Variants in XKR4 observed in about 807,000 individuals in gnomAD.
XKR4 encodes XK related 4, also known as XK-related protein 4.
A neutral mutation model predicts 53.9 loss-of-function variants in XKR4; 12 were observed. The ratio of observed to expected loss-of-function variants is 0.22; its 90% CI spans 0.14 to 0.36. XKR4 has a LOEUF of 0.36. Among genes scored for constraint, XKR4 ranks in the 10% least tolerant of loss-of-function variants. XKR4 has a pLI of 1.00. For missense variants in XKR4, 799 were observed against 859.5 expected (o/e 0.93, Z 0.88); for synonymous variants, 354 against 362.4 (o/e 0.98, Z 0.26).
At chr8:55,200,958 CTATTTA>C (rs1232837040) in intron 1 of XKR4, among the ~76,000 whole-genome samples, 8 of 152,120 alleles carry the variant, frequency 5.3e-5, no homozygotes, top group African/African-American at 1.7e-4. Context: ...AATATCCTTT[CTATTTA>C]TATTAACTAA....
intron 1 of XKR4, among the ~76,000 whole-genome samples, chr8:55,240,257 A>T (rs796650557): frequency 7.9e-4 from 121 of 152,344 alleles, no homozygotes; most frequent in African/African-American, 2.2e-3. Context: ...ATATTTATTT[A>T]AAAAAATATA....
intron 1 of XKR4, among the ~76,000 whole-genome samples, chr8:55,224,463 T>C (rs1269688670): frequency 6.6e-6 from 1 of 152,204 alleles, no homozygotes; most frequent in African/African-American, 2.4e-5. Context: ...AATGATTTTG[T>C]CATAAGACTT....
chr8:55,161,566 C>T (rs930785987), intron 1 of XKR4: 11 of 456,148 alleles, frequency 2.4e-5, no homozygotes, highest in Middle Eastern at 3.2e-4. Flanking sequence ...GCTGTCTGTC[C>T]GGTCCTAGAC....
intron 2 of XKR4, among the ~76,000 whole-genome samples, chr8:55,413,210 A>C (rs184034692): frequency 6.6e-6 from 1 of 152,140 alleles, no homozygotes; most frequent in Non-Finnish European, 1.5e-5. Flanking sequence ...TACGACAGAC[A>C]TATCTTCACT....
At chr8:55,246,503 G>T (rs1818287063) in intron 1 of XKR4, among the ~76,000 whole-genome samples, 1 of 152,196 alleles carries the variant, frequency 6.6e-6, no homozygotes, top group African/African-American at 2.4e-5. Context: ...GATCAGCCAT[G>T]TCAGCCGAGT....
intron 2 of XKR4, among the ~76,000 whole-genome samples, chr8:55,406,173 A>G (rs1804679301): frequency 6.6e-6 from 1 of 152,224 alleles, no homozygotes; most frequent in Non-Finnish European, 1.5e-5. Context: ...AATTAATATG[A>G]TAATGAGGGC....
intron 1 of XKR4, among the ~76,000 whole-genome samples, chr8:55,317,794 G>A (rs1267938132): frequency 6.6e-6 from 1 of 152,324 alleles, no homozygotes. Flanking sequence ...CAGCAATACA[G>A]AGAGTTGATG....
chr8:55,467,103 C>A (rs929318109), intron 2 of XKR4, among the ~76,000 whole-genome samples: 5 of 152,106 alleles, frequency 3.3e-5, no homozygotes, highest in African/African-American at 9.7e-5. Context: ...GGGTCCTTCC[C>A]AAGCTCCCTG....
chr8:55,380,615 G>A (rs564161275), intron 2 of XKR4, among the ~76,000 whole-genome samples: 4 of 152,314 alleles, frequency 2.6e-5, no homozygotes, highest in Admixed American at 2.6e-4. Flanking sequence ...TTTATTCAGA[G>A]AACTAATAAG....
intron 2 of XKR4, among the ~76,000 whole-genome samples, chr8:55,456,477 G>C (rs1356380492): frequency 6.6e-6 from 1 of 151,994 alleles, no homozygotes; most frequent in Non-Finnish European, 1.5e-5. Context: ...AAAAGAAATT[G>C]ACTCAGAGTA....
At chr8:55,319,635 C>T (rs1013232180) in intron 1 of XKR4, among the ~76,000 whole-genome samples, 1 of 152,096 alleles carries the variant, frequency 6.6e-6, no homozygotes, top group African/African-American at 2.4e-5. Flanking sequence ...GAGGACACAA[C>T]TATGAAATTC....
intron 1 of XKR4, among the ~76,000 whole-genome samples, chr8:55,132,365 T>C (rs1274110694): frequency 6.6e-6 from 1 of 152,222 alleles, no homozygotes; most frequent in Non-Finnish European, 1.5e-5. Context: ...CCCTTGAAAG[T>C]GTGGATAGTA....
intron 1 of XKR4, among the ~76,000 whole-genome samples, chr8:55,329,710 A>G (rs1399336381): frequency 6.6e-6 from 1 of 152,142 alleles, no homozygotes; most frequent in Non-Finnish European, 1.5e-5. Context: ...TCCAAGTTCC[A>G]TATGTTATAA....
At chr8:55,481,672 C>G (rs1212671057) in intron 2 of XKR4, among the ~76,000 whole-genome samples, 4 of 151,924 alleles carry the variant, frequency 2.6e-5, no homozygotes, top group Non-Finnish European at 5.9e-5. Context: ...TATCCAGAAT[C>G]TACAATGAAC....
intron 1 of XKR4, among the ~76,000 whole-genome samples, chr8:55,252,117 G>A (rs1326285134): frequency 6.6e-6 from 1 of 152,110 alleles, no homozygotes; most frequent in Non-Finnish European, 1.5e-5. Context: ...ACCCTCCAAT[G>A]GATTTAAATT....
intron 2 of XKR4, among the ~76,000 whole-genome samples, chr8:55,487,933 C>G (rs1806218200): frequency 6.6e-6 from 1 of 152,188 alleles, no homozygotes; most frequent in Admixed American, 6.5e-5. Flanking sequence ...CCAAATACAA[C>G]CAAAAATGCA....
intron 1 of XKR4, among the ~76,000 whole-genome samples, chr8:55,178,306 G>A (rs1817259396): frequency 6.6e-6 from 1 of 152,104 alleles, no homozygotes; most frequent in Non-Finnish European, 1.5e-5. Flanking sequence ...GAGCTTTGAA[G>A]ACCAGCTATA....
At chr8:55,482,172 TTA>T (rs1806119413) in intron 2 of XKR4, among the ~76,000 whole-genome samples, 1 of 151,892 alleles carries the variant, frequency 6.6e-6, no homozygotes, top group African/African-American at 2.4e-5. Context: ...ATAGACTGGA[TTA>T]AGAAAATGTG....
At chr8:55,484,557 A>G (rs1180617711) in intron 2 of XKR4, among the ~76,000 whole-genome samples, 3 of 152,222 alleles carry the variant, frequency 2.0e-5, no homozygotes, top group African/African-American at 7.2e-5. Flanking sequence ...TTAACATGCC[A>G]AAGAAGAAAA....
Sources: gnomAD v4.1 joint callset for allele counts (sites outside exome capture counted in the v4.1 genomes callset) on GRCh38, gnomAD v4.1.1 for gene constraint, MANE v1.5 for transcripts, NCBI Gene and HGNC (gene_info 2026-07-23, HGNC 2026-07-21) for gene names.